Variants in PRKD1 observed in about 807,000 individuals in gnomAD.
PRKD1 encodes the protein protein kinase D1, also known as serine/threonine-protein kinase D1.
PRKD1 carries 63 observed loss-of-function variants against 95.9 expected under a neutral mutation model. The observed-to-expected ratio is 0.66, with a 90% CI of 0.54 to 0.81. PRKD1 has a LOEUF of 0.81. Among genes scored for constraint, PRKD1 ranks in the 30% least tolerant of loss-of-function variants. PRKD1 has a pLI of 0.00. For missense variants in PRKD1, 1,048 were observed against 1,165.3 expected (o/e 0.90, Z 1.47); for synonymous variants, 425 against 423.1 (o/e 1.00, Z -0.05).
chr14:29,883,047 C>T (rs1051876012), intron 1 of PRKD1, among the ~76,000 whole-genome samples: 7 of 152,134 alleles, frequency 4.6e-5, no homozygotes, highest in Admixed American at 1.3e-4. Flanking sequence ...CTGGCATCTG[C>T]CTGGCTTCTG....
intron 1 of PRKD1, among the ~76,000 whole-genome samples, chr14:29,762,206 C>T (rs1165929991): frequency 2.0e-5 from 3 of 152,190 alleles, no homozygotes; most frequent in Non-Finnish European, 4.4e-5. Context: ...AATCAGGACA[C>T]TATGTGTGTA....
At chr14:29,646,891 T>C (rs975917594) in intron 4 of PRKD1, among the ~76,000 whole-genome samples, 1 of 152,130 alleles carries the variant, frequency 6.6e-6, no homozygotes, top group Non-Finnish European at 1.5e-5. Context: ...GGAGTTCATA[T>C]AGGAACGCAC....
At position 29,920,726 on chromosome 14, in the gene PRKD1, A is replaced by C. The variant is rs1475172641; in HGVS notation, c.264+6523T>G. Among the ~76,000 whole-genome samples, 4 of 152,160 alleles carry C rather than the reference A, an allele frequency of 2.6e-5. 1 individual carries two copies. Among genetic ancestry groups the C allele is most frequent in the Admixed American group, 2.0e-4 (3 of 15,274 alleles). ...GTTTTATAATGGGGCATGGACTTCC[A>C]TGACAGATAAGTGGTAGGTAGTGGG... On this transcript the variant is annotated intron_variant, in intron 1 of 17. Transcript: ENST00000331968.
intron 1 of PRKD1, among the ~76,000 whole-genome samples, chr14:29,911,401 C>T (rs1220960613): frequency 6.6e-6 from 1 of 152,134 alleles, no homozygotes; most frequent in Non-Finnish European, 1.5e-5. Flanking sequence ...TCTGAATCTA[C>T]AACTTTAATA....
chr14:29,579,599 G>A (rs1892687208), intron 16 of PRKD1, among the ~76,000 whole-genome samples: 1 of 152,130 alleles, frequency 6.6e-6, no homozygotes, highest in Non-Finnish European at 1.5e-5. Context: ...GAGACCAGAG[G>A]AACAAAGACT....
At chr14:29,631,092 A>C (rs1879977314) in intron 9 of PRKD1, 71 bp from the exon 10 acceptor site, 3 of 1,393,860 alleles carry the variant, frequency 2.2e-6, no homozygotes, top group Non-Finnish European at 2.9e-6. Context: ...ATTCATGCCA[A>C]GAACATGTGA....
chr14:29,648,798 G>A (rs186776130), intron 4 of PRKD1, among the ~76,000 whole-genome samples: 2 of 152,144 alleles, frequency 1.3e-5, no homozygotes, highest in African/African-American at 4.8e-5. Flanking sequence ...GGGACTACAG[G>A]CACTCACCAC....
rs1047377572 is a variant in PRKD1, at chr14:29,920,566, T to A, written c.264+6683A>T. 8.0e-5 allele frequency among the ~76,000 whole-genome samples: 12 copies of A among 150,060 alleles called. No homozygotes were observed. The East Asian group carries it at 1.4e-3, about 17-fold the overall frequency. On this transcript the variant is annotated intron_variant, in intron 1 of 17. Transcript: ENST00000331968. Reference sequence around the variant, plus strand: ...AGTTATTTGGTATAGTTTGAGAGCTTATTCAATGATTCCAGTCTAATACAC... The same window carrying A: ...AGTTATTTGGTATAGTTTGAGAGCTAATTCAATGATTCCAGTCTAATACAC...
chr14:29,765,110 T>C (rs1377646401), intron 1 of PRKD1, among the ~76,000 whole-genome samples: 2 of 152,136 alleles, frequency 1.3e-5, no homozygotes, highest in Non-Finnish European at 2.9e-5. Flanking sequence ...ATATAGATTA[T>C]CTCTGTGGGA....
intron 2 of PRKD1, among the ~76,000 whole-genome samples, chr14:29,695,008 G>A (rs574583524): frequency 9.2e-5 from 14 of 152,080 alleles, no homozygotes; most frequent in Non-Finnish European, 1.2e-4. Flanking sequence ...CCAGGCTGGC[G>A]GATCACCTGA....
chr14:29,707,559 A>T (rs1885150855), intron 2 of PRKD1, among the ~76,000 whole-genome samples: 2 of 152,198 alleles, frequency 1.3e-5, no homozygotes, highest in South Asian at 4.1e-4. Context: ...AGAAACATAA[A>T]TAATAGCCAA....
chr14:29,640,611 A>G (rs372359104), intron 4 of PRKD1, among the ~76,000 whole-genome samples: 48 of 152,348 alleles, frequency 3.2e-4, no homozygotes, highest in African/African-American at 1.0e-3. Flanking sequence ...TATTGAATAA[A>G]TACTTTCAAT....
At chr14:29,873,496 A>G (rs2139381978) in intron 1 of PRKD1, among the ~76,000 whole-genome samples, 1 of 152,296 alleles carries the variant, frequency 6.6e-6, no homozygotes. Context: ...CAAAAAAAAA[A>G]AGTCAAATCT....
intron 1 of PRKD1, among the ~76,000 whole-genome samples, chr14:29,823,647 C>G (rs907917939): frequency 2.0e-5 from 3 of 152,018 alleles, no homozygotes; most frequent in Non-Finnish European, 4.4e-5. Flanking sequence ...ACATAAAAGG[C>G]AAGAAGGTTA....
chr14:29,826,844 C>CACATAT lies in PRKD1; in HGVS notation c.264+100404_264+100405insATATGT, dbSNP rs1323754040. 3.5e-4 allele frequency among the ~76,000 whole-genome samples: 10 copies of CACATAT among 28,676 alleles called. 1 individual carries two copies. Among genetic ancestry groups the CACATAT allele is most frequent in the East Asian group, 1.2e-3 (1 of 856 alleles). The allele number at this position is 28,676 out of a possible 152,430, so 18.8% of individuals were successfully genotyped here. Reference sequence around the variant, plus strand: ...ATATATATATATATATATATACACACATATATATATATATATATATATATA... The same window carrying CACATAT: ...ATATATATATATATATATATACACACACATATATATATATATATATATATATATATA... On this transcript the variant is annotated intron_variant, in intron 1 of 17. Transcript: ENST00000331968.
intron 1 of PRKD1, among the ~76,000 whole-genome samples, chr14:29,772,835 A>G (rs556269651): frequency 6.6e-6 from 1 of 152,306 alleles, no homozygotes; most frequent in South Asian, 2.1e-4. Context: ...CTAACCTCAC[A>G]ATTTCAGCTC....
chr14:29,658,620 G>C (rs1295967085), intron 4 of PRKD1, among the ~76,000 whole-genome samples: 2 of 152,094 alleles, frequency 1.3e-5, no homozygotes, highest in Non-Finnish European at 2.9e-5. Flanking sequence ...AAGGAAAAGA[G>C]AGCGACCTGT....
chr14:29,904,076 T>C (rs1894413799), intron 1 of PRKD1, among the ~76,000 whole-genome samples: 2 of 152,110 alleles, frequency 1.3e-5, no homozygotes, highest in Non-Finnish European at 2.9e-5. Context: ...TTTAGAAAAG[T>C]TTATAGGTAC....
rs999626517 is a variant in PRKD1, at chr14:29,576,829, G to T, written c.*409C>A. On this transcript the variant is annotated 3_prime_UTR_variant, in exon 18 of 18. Transcript: ENST00000331968. ...TGTTCATAGAACACTGGAAATAATC[G>T]ACTCTTCAAGAGTTTGTTTACAATG... is the stretch of plus-strand genomic sequence containing the variant. 6 of 198,708 alleles carry T rather than the reference G, an allele frequency of 3.0e-5. No homozygotes were observed. Among genetic ancestry groups the T allele is most frequent in the Non-Finnish European group, 5.3e-5 (5 of 94,508 alleles). 12.3% of individuals were successfully genotyped at this position (198,708 alleles called of 1,614,324 possible).
Sources: gnomAD v4.1 joint callset for allele counts (sites outside exome capture counted in the v4.1 genomes callset) on GRCh38, gnomAD v4.1.1 for gene constraint, MANE v1.5 for transcripts, NCBI Gene and HGNC (gene_info 2026-07-23, HGNC 2026-07-21) for gene names.